The following TRIO variants were observed in gnomAD, a reference collection of about 807,000 sequenced individuals.
TRIO encodes the protein trio Rho guanine nucleotide exchange factor.
TRIO carries 58 observed loss-of-function variants against 351.9 expected under a neutral mutation model. That is an observed-to-expected ratio of 0.16 (90% CI 0.13 to 0.21). The LOEUF (loss-of-function observed/expected upper bound fraction) is 0.21, where lower values mean the gene tolerates loss of function less well. Ranked by LOEUF, TRIO falls within the 10% of genes least tolerant of loss-of-function variation. The pLI is 1.00. For missense variants in TRIO, 3,201 were observed against 4,027.8 expected (o/e 0.79, Z 5.56); for synonymous variants, 1,758 against 1,595.7 (o/e 1.10, Z -2.42).
chr5:14,487,803 G>T lies in TRIO; in HGVS notation c.7175G>T (p.Arg2392Met). 1 of 1,414,490 alleles carries T rather than the reference G, an allele frequency of 7.1e-7. No individual in the cohort carries two copies. Among genetic ancestry groups the T allele is most frequent in the East Asian group, 3.2e-5 (1 of 31,348 alleles). 87.6% of individuals were successfully genotyped at this position (1,414,490 alleles called of 1,614,324 possible). ...GAGGCCGGCCCCAGCGCGCCCAGCA[G>T]GCGGCCCCCCGGCGCGGACGCCGAG... Reference protein sequence around the residue: ...APEAGPSAPSRRPPGADAEGS... With the variant: ...APEAGPSAPSMRPPGADAEGS... The change falls in exon 48 of 57, where the codon AGG becomes ATG. Residue 2392 changes from arginine (R) to methionine (M), a missense_variant. Transcript: ENST00000344204.
chr5:14,268,453 C>T (rs1047389029), intron 1 of TRIO, among the ~76,000 whole-genome samples: 2 of 152,190 alleles, frequency 1.3e-5, no homozygotes, highest in African/African-American at 4.8e-5. Flanking sequence ...GGCTGTGTGA[C>T]TCACAAGTGG....
At chr5:14,473,665 T>C (rs777636079) in intron 39 of TRIO, among the ~76,000 whole-genome samples, 2 of 152,372 alleles carry the variant, frequency 1.3e-5, no homozygotes, top group East Asian at 1.9e-4. Context: ...ACAGGAGATA[T>C]GATTCTGACC....
chr5:14,242,360 A>C (rs930782138), intron 1 of TRIO, among the ~76,000 whole-genome samples: 22 of 152,272 alleles, frequency 1.4e-4, no homozygotes, highest in Admixed American at 9.2e-4. Context: ...TGCAGAATAA[A>C]GATCATTTCT....
rs565414512 is a variant in TRIO at position 14,506,117 on chromosome 5, G to A, written c.8613-1005G>A. ...GGAGGTCTCCTTTCTGGCTCCAGAC[G>A]CTGGTGACCAATGGCCACTGCTCAC... On this transcript the variant is annotated intron_variant, in intron 55 of 56. Coordinates refer to ENST00000344204, the MANE Select transcript of TRIO (RefSeq NM_007118.4). Among the ~76,000 whole-genome samples the A allele has an allele frequency of 4.6e-5, 7 of 152,300 alleles. No homozygotes were observed. The East Asian group carries it at 1.2e-3, about 25-fold the overall frequency.
chr5:14,476,519 C>T (rs1289013888), intron 40 of TRIO, among the ~76,000 whole-genome samples: 7 of 152,178 alleles, frequency 4.6e-5, no homozygotes, highest in African/African-American at 1.4e-4. Context: ...TGGCCAGGCA[C>T]GGTGGCTCAC....
intron 1 of TRIO, among the ~76,000 whole-genome samples, chr5:14,184,148 G>T (rs1364977680): frequency 6.6e-6 from 1 of 152,154 alleles, no homozygotes; most frequent in Non-Finnish European, 1.5e-5. Context: ...AAATCCAACC[G>T]GCTAGTAACG....
At chr5:14,265,957 G>A (rs148679016) in intron 1 of TRIO, among the ~76,000 whole-genome samples, 1 of 152,148 alleles carries the variant, frequency 6.6e-6, no homozygotes, top group African/African-American at 2.4e-5. Flanking sequence ...GGAATTTTGG[G>A]GTTCTTGGGT....
At chr5:14,429,906 A>G (rs1312424818) in intron 34 of TRIO, among the ~76,000 whole-genome samples, 1 of 152,140 alleles carries the variant, frequency 6.6e-6, no homozygotes, top group Non-Finnish European at 1.5e-5. Context: ...CCTTGACCCC[A>G]TTCCAGTACC....
chr5:14,189,012 G>A (rs1025551657), intron 1 of TRIO, among the ~76,000 whole-genome samples: 15 of 152,186 alleles, frequency 9.9e-5, no homozygotes, highest in African/African-American at 3.4e-4. Context: ...TGTTGGTCTT[G>A]AGTTTTTACC....
At chr5:14,329,662 T>A (rs890003564) in intron 9 of TRIO, among the ~76,000 whole-genome samples, 6 of 152,252 alleles carry the variant, frequency 3.9e-5, no homozygotes, top group African/African-American at 1.4e-4. Context: ...GAACCTTCAA[T>A]ACTATAGCTG....
intron 1 of TRIO, among the ~76,000 whole-genome samples, chr5:14,265,761 G>T (rs1581482298): frequency 1.3e-5 from 2 of 152,182 alleles, no homozygotes; most frequent in South Asian, 2.1e-4. Context: ...TGGTCAGTGG[G>T]GTATTAGATA....
intron 1 of TRIO, among the ~76,000 whole-genome samples, chr5:14,252,371 A>C (rs1184346900): frequency 1.3e-5 from 2 of 152,158 alleles, no homozygotes; most frequent in African/African-American, 2.4e-5. Flanking sequence ...GGTGATTTTC[A>C]GGGTAGCTGC....
chr5:14,354,738 T>C (rs1333446069), intron 11 of TRIO, among the ~76,000 whole-genome samples: 1 of 152,110 alleles, frequency 6.6e-6, no homozygotes, highest in Non-Finnish European at 1.5e-5. Context: ...TGGGACAGAG[T>C]AATAAGCTAA....
Position 14,291,156 on chromosome 5 carries a change from G to T in TRIO, c.981G>T (p.Gln327His). 1 of 1,614,210 alleles carries T rather than the reference G, an allele frequency of 6.2e-7. No homozygotes were observed. Among genetic ancestry groups the T allele is most frequent in the Non-Finnish European group, 8.5e-7 (1 of 1,180,038 alleles). The change falls in exon 5 of 57, where the codon CAG (glutamine) becomes CAT (histidine). Residue 327 changes from glutamine (Q) to histidine (H), a missense_variant. Around this residue, in one of 19 missense-constraint regions of TRIO, gnomAD observed 349 missense variants for 449.3 expected, o/e 0.78. Coordinates refer to ENST00000344204, the MANE Select transcript of TRIO (RefSeq NM_007118.4). ...ACTCGACACGGCAGCATCTGCACCA[G>T]ATGTGGCATGTGAGGAAGCTGAAGC... ...RLHSTRQHLH[Q>H]MWHVRKLKLD...
At chr5:14,272,750 A>G (rs974484401) in intron 2 of TRIO, among the ~76,000 whole-genome samples, 4 of 152,246 alleles carry the variant, frequency 2.6e-5, no homozygotes, top group African/African-American at 4.8e-5. Context: ...ATTTATGACC[A>G]GAACTGGCAA....
rs536691298 is a variant in TRIO, at chr5:14,283,422, C to G, written c.347+2986C>G. On this transcript the variant is annotated intron_variant, in intron 3 of 56. Transcript: ENST00000344204. ...GACTGTGACCTGGGACACATGACTT[C>G]ACTTTCATTGCTTTCCTGATCTGAA... Among the ~76,000 whole-genome samples, 4 of 152,294 alleles carry G rather than the reference C, an allele frequency of 2.6e-5. No homozygotes were observed. In the South Asian group the frequency reaches 8.3e-4, roughly 32 times the overall value.
At chr5:14,389,586 T>C (rs1466190164) in intron 25 of TRIO, among the ~76,000 whole-genome samples, 188 bp downstream of exon 25, 1 of 152,212 alleles carries the variant, frequency 6.6e-6, no homozygotes, top group Non-Finnish European at 1.5e-5. Context: ...GACTCAACTT[T>C]ATGTTTGTAC....
rs77866884 is a variant in TRIO, at chr5:14,328,135, CAGTT to C, written c.1732-2641_1732-2638del. Among the ~76,000 whole-genome samples the C allele has an allele frequency of 9.3e-4, 142 of 152,030 alleles. 2 individuals are homozygous for C. In the East Asian group the frequency reaches 0.022, roughly 24 times the overall value. On this transcript the variant is annotated intron_variant, in intron 9 of 56. Transcript: ENST00000344204. The stretch of plus-strand genomic sequence containing the variant: ...AGTTAAAACAATGCGCTCAATCCAC[CAGTT>C]AAAGTGCACGCCCAATACGCTAGTT...
At chr5:14,357,489 A>G (rs748622703) in intron 11 of TRIO, among the ~76,000 whole-genome samples, 1 of 152,132 alleles carries the variant, frequency 6.6e-6, no homozygotes, top group Non-Finnish European at 1.5e-5. Context: ...TGCCACTCTC[A>G]TTCCAGGGTG....
Sources: gnomAD v4.1 joint callset for allele counts (sites outside exome capture counted in the v4.1 genomes callset) on GRCh38, gnomAD v4.1.1 for gene constraint, gnomAD v4.1.1 regional missense constraint, MANE v1.5 for transcripts, NCBI Gene and HGNC (gene_info 2026-07-23, HGNC 2026-07-21) for gene names.